CACNB2: variants seen among roughly 807,000 people sequenced by gnomAD.
CACNB2 encodes calcium voltage-gated channel auxiliary subunit beta 2.
A neutral mutation model predicts 73.3 loss-of-function variants in CACNB2; 42 were observed. The ratio of observed to expected loss-of-function variants is 0.57; its 90% CI spans 0.45 to 0.74. The LOEUF is 0.74. Among genes scored for constraint, CACNB2 ranks in the 30% least tolerant of loss-of-function variants. The probability of loss-of-function intolerance (pLI) is 0.00; values close to 1 mark genes in which losing one functional copy is unlikely to be tolerated. For synonymous variants in CACNB2, 348 were observed against 310.3 expected, an observed-to-expected ratio of 1.12 and a Z score of -1.28; for missense variants, 940 against 853.0, an observed-to-expected ratio of 1.10 and a Z score of -1.27.
At chr10:18,248,313 A>G (rs944479828) in intron 2 of CACNB2, among the ~76,000 whole-genome samples, 1 of 152,210 alleles carries the variant, frequency 6.6e-6, no homozygotes, top group Admixed American at 6.5e-5. Context: ...TATTTCAATT[A>G]ATTTACCTTT....
chr10:18,422,274 GATGATCT>G (rs1012624999), intron 3 of CACNB2, among the ~76,000 whole-genome samples: 36 of 152,244 alleles, frequency 2.4e-4, no homozygotes, highest in African/African-American at 8.7e-4. Context: ...TTCTTGCCTG[GATGATCT>G]ATTCCATTTA....
intron 2 of CACNB2, among the ~76,000 whole-genome samples, chr10:18,335,742 G>T (rs1416928807): frequency 6.8e-6 from 1 of 148,136 alleles, no homozygotes; most frequent in African/African-American, 2.5e-5. Context: ...TCTTACCAAG[G>T]ACCTCAACAA....
At chr10:18,237,860 G>C (rs1207209707) in intron 2 of CACNB2, among the ~76,000 whole-genome samples, 1 of 152,214 alleles carries the variant, frequency 6.6e-6, no homozygotes, top group Non-Finnish European at 1.5e-5. Flanking sequence ...ATGGTAGAAA[G>C]GTAGGCAGGA....
intron 2 of CACNB2, among the ~76,000 whole-genome samples, chr10:18,209,895 G>T (rs2035246858): frequency 6.6e-6 from 1 of 152,042 alleles, no homozygotes; most frequent in Admixed American, 6.6e-5. Flanking sequence ...TAAAATACTA[G>T]TTCAGATAGT....
chr10:18,212,624 A>T (rs1182196638), intron 2 of CACNB2, among the ~76,000 whole-genome samples: 2 of 152,116 alleles, frequency 1.3e-5, no homozygotes, highest in South Asian at 2.1e-4. Context: ...TTTGTTTGTA[A>T]TATGAAGGAG....
intron 3 of CACNB2, among the ~76,000 whole-genome samples, chr10:18,482,803 C>T (rs748349902): frequency 2.0e-5 from 3 of 152,042 alleles, no homozygotes; most frequent in Non-Finnish European, 4.4e-5. Flanking sequence ...TGAGCCACCA[C>T]GCCAGGCCTG....
At chr10:18,285,594 A>G (rs1001306890) in intron 2 of CACNB2, among the ~76,000 whole-genome samples, 3 of 152,258 alleles carry the variant, frequency 2.0e-5, no homozygotes, top group South Asian at 2.1e-4. Context: ...ACTGAGCTCA[A>G]TGAATACACA....
At position 18,530,718 on chromosome 10, in the gene CACNB2, C is replaced by T. The variant is rs375219961; in HGVS notation, c.1054+3021C>T. 1.6e-4 allele frequency among the ~76,000 whole-genome samples: 24 copies of T among 152,240 alleles called. No individual in the cohort carries two copies. The East Asian group carries it at 4.2e-3, about 27-fold the overall frequency. On this transcript the variant is annotated intron_variant, in intron 10 of 13. Transcript: ENST00000324631. The stretch of plus-strand genomic sequence containing the variant: ...AAGTTGAAAAATCTTTAAGTCAAAC[C>T]ATCGTAAGTCATGGACTGTCTGCAC...
intron 2 of CACNB2, among the ~76,000 whole-genome samples, chr10:18,254,697 T>C (rs957429323): frequency 5.3e-5 from 8 of 152,162 alleles, no homozygotes; most frequent in Non-Finnish European, 1.0e-4. Context: ...TGGAGTTCAG[T>C]GGAAGCTGCA....
intron 2 of CACNB2, among the ~76,000 whole-genome samples, chr10:18,280,205 G>A (rs1054703196): frequency 1.5e-4 from 21 of 144,810 alleles, no homozygotes; most frequent in Non-Finnish European, 2.3e-4. Flanking sequence ...CTGACACATG[G>A]GGATTATAAA....
chr10:18,504,447 C>G (rs1045751660), intron 5 of CACNB2, among the ~76,000 whole-genome samples: 1 of 151,684 alleles, frequency 6.6e-6, no homozygotes, highest in Non-Finnish European at 1.5e-5. Flanking sequence ...ATTTTTTTCC[C>G]TTAGGACTCT....
chr10:18,362,388 T>G (rs959553445), intron 2 of CACNB2, among the ~76,000 whole-genome samples: 1 of 152,208 alleles, frequency 6.6e-6, no homozygotes, highest in African/African-American at 2.4e-5. Context: ...ATTTGTAAAA[T>G]TTATGAAAAT....
intron 2 of CACNB2, among the ~76,000 whole-genome samples, chr10:18,346,052 C>A (rs1224353260): frequency 6.6e-6 from 1 of 152,134 alleles, no homozygotes; most frequent in African/African-American, 2.4e-5. Flanking sequence ...TGGCAGAGAC[C>A]CTGTGCCTTT....
At chr10:18,191,841 C>T (rs1253678096) in intron 2 of CACNB2, among the ~76,000 whole-genome samples, 1 of 152,136 alleles carries the variant, frequency 6.6e-6, no homozygotes, top group Non-Finnish European at 1.5e-5. Context: ...CTCATTGATT[C>T]ATGGACATTT....
chr10:18,152,357 G>A (rs1468767373), intron 2 of CACNB2, among the ~76,000 whole-genome samples: 1 of 152,142 alleles, frequency 6.6e-6, no homozygotes, highest in Non-Finnish European at 1.5e-5. Flanking sequence ...TTAAGAAGGG[G>A]CAAAGCTTTT....
intron 2 of CACNB2, among the ~76,000 whole-genome samples, chr10:18,162,823 A>G (rs1399284028): frequency 6.6e-6 from 1 of 152,152 alleles, no homozygotes; most frequent in African/African-American, 2.4e-5. Context: ...AGCCGAGAGG[A>G]AGTGATGTGT....
chr10:18,453,665 T>C (rs2047124486), intron 3 of CACNB2, among the ~76,000 whole-genome samples: 1 of 152,244 alleles, frequency 6.6e-6, no homozygotes, highest in South Asian at 2.1e-4. Context: ...AGTCTCGCTC[T>C]GTTGCCCAGG....
intron 3 of CACNB2, among the ~76,000 whole-genome samples, chr10:18,469,114 A>G (rs1222049313): frequency 6.6e-6 from 1 of 152,150 alleles, no homozygotes; most frequent in Non-Finnish European, 1.5e-5. Flanking sequence ...TCAGCCATGC[A>G]TGGTGGTCCC....
Position 18,220,136 on chromosome 10 carries a change from TATATATATATATATATATAC to T in CACNB2, c.213+69163_213+69182del, listed in dbSNP as rs1380826599. 9.7e-4 allele frequency among the ~76,000 whole-genome samples: 38 copies of T among 39,290 alleles called. 4 individuals carry two copies. Among genetic ancestry groups the T allele is most frequent in the East Asian group, 3.9e-3 (5 of 1,286 alleles). 25.8% of individuals were successfully genotyped at this position (39,290 alleles called of 152,430 possible). On this transcript the variant is annotated intron_variant, in intron 2 of 13. Coordinates refer to ENST00000324631, the MANE Select transcript of CACNB2 (RefSeq NM_201596.3). ...ATATATATATATATATATATATATA[TATATATATATATATATATAC>T]ACACACACACACACACATACATATA...
Sources: gnomAD v4.1 joint callset for allele counts (sites outside exome capture counted in the v4.1 genomes callset) on GRCh38, gnomAD v4.1.1 for gene constraint, MANE v1.5 for transcripts, NCBI Gene and HGNC (gene_info 2026-07-23, HGNC 2026-07-21) for gene names.